MGME1: variants seen among roughly 807,000 people sequenced by gnomAD.
MGME1 encodes mitochondrial genome maintenance exonuclease 1.
A neutral mutation model predicts 33.0 loss-of-function variants in MGME1; 22 were observed. The ratio of observed to expected loss-of-function variants is 0.67; its 90% CI spans 0.48 to 0.95. The LOEUF (loss-of-function observed/expected upper bound fraction) is 0.95, where lower values mean the gene tolerates loss of function less well. Ranked by LOEUF, MGME1 falls within the 40% of genes least tolerant of loss-of-function variation. The pLI is 0.00. For missense variants in MGME1, 383 were observed against 397.8 expected (o/e 0.96, Z 0.32); for synonymous variants, 133 against 144.0 (o/e 0.92, Z 0.55).
At position 17,969,834 on chromosome 20, in the gene MGME1, A is replaced by G; in HGVS notation, c.-26A>G. On this transcript the variant is annotated 5_prime_UTR_variant, in exon 2 of 5. Coordinates refer to ENST00000377710, the MANE Select transcript of MGME1 (RefSeq NM_052865.4). ...ACATAAAGGCCTTCGACCGTTGCAAATAGACTAAAGTGAAAACAAATCTGA... is the reference window on the plus strand; with the variant it reads ...ACATAAAGGCCTTCGACCGTTGCAAGTAGACTAAAGTGAAAACAAATCTGA... 1.9e-6 allele frequency: 3 copies of G among 1,577,954 alleles called. 1 individual carries two copies. In the South Asian group the frequency reaches 3.5e-5, roughly 19 times the overall value.
At chr20:17,969,661 T>G (rs2035659259) in intron 1 of MGME1, 140 bp from the exon 2 acceptor site, 2 of 538,910 alleles carry the variant, frequency 3.7e-6, no homozygotes, top group Non-Finnish European at 6.4e-6. Context: ...ATTTATAAAT[T>G]TTTTTTGGAG....
rs552897321 is a variant in MGME1 at position 17,990,226 on chromosome 20, A to T, written c.*117A>T. 1.8e-4 allele frequency: 151 copies of T among 845,392 alleles called. 1 individual carries two copies. The South Asian group carries it at 2.2e-3, about 12-fold the overall frequency. 52.4% of individuals were successfully genotyped at this position (845,392 alleles called of 1,614,324 possible). ...TGGATCTGAGTGCTACACGAACACA[A>T]GTAGAAGTATTAATTTGTTGAAATG... On this transcript the variant is annotated 3_prime_UTR_variant, in exon 5 of 5. Transcript: ENST00000377710.
chr20:17,975,462 C>G (rs2122523909), intron 2 of MGME1, among the ~76,000 whole-genome samples: 1 of 150,902 alleles, frequency 6.6e-6, no homozygotes, highest in South Asian at 2.1e-4. Flanking sequence ...GAGGCTGAGG[C>G]AGGAGAATCA....
intron 2 of MGME1, among the ~76,000 whole-genome samples, chr20:17,972,096 G>A (rs2035743318): frequency 6.6e-6 from 1 of 152,052 alleles, no homozygotes; most frequent in Admixed American, 6.6e-5. Flanking sequence ...ATAAATAAAG[G>A]GACAATTAGT....
chr20:17,970,524 A>G (rs1390542992), intron 2 of MGME1, among the ~76,000 whole-genome samples, 154 bp downstream of exon 2: 2 of 152,248 alleles, frequency 1.3e-5, no homozygotes, highest in Non-Finnish European at 2.9e-5. Flanking sequence ...CTTTATGTGT[A>G]TTAACTCACT....
intron 4 of MGME1, among the ~76,000 whole-genome samples, chr20:17,988,859 G>A (rs979393728): frequency 3.3e-5 from 5 of 150,402 alleles, no homozygotes; most frequent in Non-Finnish European, 7.4e-5. Flanking sequence ...GGAGGCCGAG[G>A]CAGGCAGATT....
chr20:17,975,136 A>G (rs2035826331), intron 2 of MGME1, among the ~76,000 whole-genome samples: 1 of 152,208 alleles, frequency 6.6e-6, no homozygotes. Flanking sequence ...CAATTCTCCT[A>G]GAAGTACTTA....
intron 4 of MGME1, among the ~76,000 whole-genome samples, chr20:17,989,185 A>G (rs1206666385): frequency 1.3e-5 from 2 of 152,064 alleles, no homozygotes. Flanking sequence ...CAGGAGTTCA[A>G]GACCAGCTTG....
intron 3 of MGME1, among the ~76,000 whole-genome samples, chr20:17,978,563 C>T (rs2035926517): frequency 6.6e-6 from 1 of 151,984 alleles, no homozygotes; most frequent in Admixed American, 6.6e-5. Context: ...GCCCTGTATA[C>T]CAAGAGATTT....
chr20:17,988,060 G>A, intron 3 of MGME1, 106 bp from the exon 4 acceptor site: 3 of 1,130,112 alleles, frequency 2.7e-6, no homozygotes, highest in Non-Finnish European at 3.7e-6. Context: ...AAGAGCAATG[G>A]TCATTGGCTG....
At chr20:17,978,448 A>G (rs972812379) in intron 3 of MGME1, among the ~76,000 whole-genome samples, 1 of 151,926 alleles carries the variant, frequency 6.6e-6, no homozygotes, top group Non-Finnish European at 1.5e-5. Context: ...CAGGTGATCC[A>G]CCCACCTCAG....
In MGME1 at chr20:17,987,187, A is replaced by G. The variant is rs866695284; in HGVS notation, c.732-979A>G. ...ACTCCATCTAAAAAAAAAAAAAAAA[A>G]AAGAAGAACCAGGAATGGCATCCTA... On this transcript the variant is annotated intron_variant, in intron 3 of 4. Transcript: ENST00000377710. 3.8e-3 allele frequency among the ~76,000 whole-genome samples: 556 copies of G among 146,166 alleles called. 5 individuals are homozygous for G. The highest frequency in any genetic ancestry group is 0.013 in the African/African-American group (471 of 36,200).
At chr20:17,988,131 A>G (rs774337684) in intron 3 of MGME1, 35 bp from the exon 4 acceptor site, 2 of 1,586,786 alleles carry the variant, frequency 1.3e-6, no homozygotes, top group Non-Finnish European at 8.6e-7. Flanking sequence ...ATTGTGATCT[A>G]TTACCTACAA....
At chr20:17,981,648 CGTGTGTGTGTGTGTGTGTGT>C (rs10677204) in intron 3 of MGME1, among the ~76,000 whole-genome samples, 136 of 139,810 alleles carry the variant, frequency 9.7e-4, no homozygotes, top group African/African-American at 3.4e-3. Context: ...ATCTACTACT[CGTGTGTGTGTGTGTGTGTGT>C]GTGTGTGTGT....
chr20:17,979,167 C>T (rs755488655), intron 3 of MGME1, among the ~76,000 whole-genome samples: 7 of 151,802 alleles, frequency 4.6e-5, no homozygotes, highest in Non-Finnish European at 5.9e-5. Flanking sequence ...ACGTCCACCT[C>T]GCAGGCCCAA....
chr20:17,976,671 T>A (rs1196726073), intron 3 of MGME1, among the ~76,000 whole-genome samples: 1 of 152,132 alleles, frequency 6.6e-6, no homozygotes, highest in Non-Finnish European at 1.5e-5. Context: ...TGTTTCGTTT[T>A]GTTTTTTGAG....
chr20:17,979,570 C>T (rs926763685), intron 3 of MGME1, among the ~76,000 whole-genome samples: 12 of 151,016 alleles, frequency 7.9e-5, no homozygotes, highest in Non-Finnish European at 1.3e-4. Context: ...CCACCACGCC[C>T]GGCTAATTTT....
rs2036264215 is a variant in MGME1 at position 17,990,306 on chromosome 20, T to G, written c.*197T>G. ...AAAGTCTAGATATAAAGACCTAGAC[T>G]TCGGCACGCGAAATCCCAGCTATGC... On this transcript the variant is annotated 3_prime_UTR_variant, in exon 5 of 5. Coordinates refer to ENST00000377710, the MANE Select transcript of MGME1 (RefSeq NM_052865.4). The G allele has an allele frequency of 8.3e-6, 5 of 599,440 alleles. No individual in the cohort carries two copies. The South Asian group carries it at 1.0e-4, about 12-fold the overall frequency. The allele number at this position is 599,440 out of a possible 1,614,324, so 37.1% of individuals were successfully genotyped here.
At chr20:17,983,267 T>TTTTGTGTGTGTGTGTG (rs79417227) in intron 3 of MGME1, among the ~76,000 whole-genome samples, 1 of 142,578 alleles carries the variant, frequency 7.0e-6, no homozygotes, top group African/African-American at 2.6e-5. Context: ...TAGTGTTCTA[T>TTTTGTGTGTGTGTGTG]TGTGTGTGTG....
Sources: allele counts gnomAD v4.1 joint callset (sites outside exome capture counted in the v4.1 genomes callset), GRCh38; gene constraint gnomAD v4.1.1; transcripts MANE v1.5; gene names NCBI Gene and HGNC (gene_info 2026-07-23, HGNC 2026-07-21).